Variants in PRKG1 observed in about 807,000 individuals in gnomAD.
The protein encoded by PRKG1 is protein kinase cGMP-dependent 1, also known as cGMP-dependent protein kinase 1.
A neutral mutation model predicts 88.1 loss-of-function variants in PRKG1; 35 were observed. That is an observed-to-expected ratio of 0.40 (90% CI 0.30 to 0.53). PRKG1 has a LOEUF of 0.53. PRKG1 is among the 20% of genes least tolerant of loss of function. The pLI, the probability that PRKG1 is intolerant of heterozygous loss-of-function variation, is 0.59. For missense variants in PRKG1, 540 were observed against 839.8 expected (o/e 0.64, Z 4.41); for synonymous variants, 303 against 292.5 (o/e 1.04, Z -0.37).
intron 5 of PRKG1, among the ~76,000 whole-genome samples, chr10:52,021,168 T>C (rs1427064250): frequency 6.6e-6 from 1 of 152,192 alleles, no homozygotes; most frequent in Non-Finnish European, 1.5e-5. Context: ...ACTGCCAGAC[T>C]GTGCAGGGAG....
intron 5 of PRKG1, among the ~76,000 whole-genome samples, chr10:52,020,151 G>T (rs1183743251): frequency 1.3e-5 from 2 of 151,716 alleles, no homozygotes; most frequent in Non-Finnish European, 2.9e-5. Context: ...TCATATGAGG[G>T]TAAATGAGAC....
In PRKG1 at chr10:51,196,156, G is replaced by A. The variant is rs76149231; in HGVS notation, c.478+42826G>A. Among the ~76,000 whole-genome samples the A allele has an allele frequency of 9.4e-3, 1,427 of 152,288 alleles. 21 individuals carry two copies. Among genetic ancestry groups the A allele is most frequent in the African/African-American group, 0.032 (1,340 of 41,570 alleles). On this transcript the variant is annotated intron_variant, in intron 2 of 17. Coordinates refer to ENST00000373980, the MANE Select transcript of PRKG1 (RefSeq NM_006258.4). ...TATAGATTGGTCTTTAGTAGGACAA[G>A]GTTGGTGTTTAGCATTATTGCCTTT...
rs138603592 is a variant in PRKG1, at chr10:51,836,874, G to T, written c.698+32184G>T. On this transcript the variant is annotated intron_variant, in intron 4 of 17. Coordinates refer to ENST00000373980, the MANE Select transcript of PRKG1 (RefSeq NM_006258.4). ...ACCCAGAGGGTTGTGTTGAAAGGGTGCACGGAGCATTTTAAAAAAATTGCT... is the reference window on the plus strand; with the variant it reads ...ACCCAGAGGGTTGTGTTGAAAGGGTTCACGGAGCATTTTAAAAAAATTGCT... 2.1e-3 allele frequency among the ~76,000 whole-genome samples: 320 copies of T among 152,274 alleles called. 1 individual carries two copies. Among genetic ancestry groups the T allele is most frequent in the Admixed American group, 2.0e-3 (30 of 15,272 alleles).
chr10:52,268,903 TGGTATTATCCTCAGCTAGAACTAG>T (rs1841644734), intron 10 of PRKG1, among the ~76,000 whole-genome samples: 1 of 151,990 alleles, frequency 6.6e-6, no homozygotes, highest in Non-Finnish European at 1.5e-5. Context: ...CTGTGGTATC[TGGTATTATCCTCAGCTAGAACTAG>T]GGCTCAGAGC....
intron 2 of PRKG1, among the ~76,000 whole-genome samples, chr10:51,246,717 A>G (rs997408414): frequency 1.5e-4 from 23 of 152,084 alleles, no homozygotes; most frequent in Non-Finnish European, 2.9e-4. Context: ...GTAGAAAGAA[A>G]CATGATGATA....
At chr10:51,302,946 G>A (rs1275781525) in intron 2 of PRKG1, 6 of 152,144 alleles carry the variant, frequency 3.9e-5, no homozygotes, top group African/African-American at 7.2e-5. Context: ...CAGCCTGTGC[G>A]GTGGAGCTTC....
At chr10:51,617,144 T>C (rs76910839) in intron 3 of PRKG1, among the ~76,000 whole-genome samples, 5,959 of 152,186 alleles carry the variant, frequency 0.039, 166 homozygotes, top group Middle Eastern at 0.088. Flanking sequence ...ATGGCTAGGA[T>C]TGCAGAAGTT....
rs185172672 is a variant in PRKG1 at position 51,819,348 on chromosome 10, G to A, written c.698+14658G>A. On this transcript the variant is annotated intron_variant, in intron 4 of 17. Coordinates refer to ENST00000373980, the MANE Select transcript of PRKG1 (RefSeq NM_006258.4). The stretch of plus-strand genomic sequence containing the variant: ...CCAGGGCATTAATCTATTCATAAGG[G>A]ATTCACTCCCATAACCCAAATACCT... Among the ~76,000 whole-genome samples, 20 of 152,188 alleles carry A rather than the reference G, an allele frequency of 1.3e-4. No homozygotes were observed. The East Asian group carries it at 3.9e-3, about 29-fold the overall frequency.
At chr10:51,943,065 A>C (rs1256140409) in intron 5 of PRKG1, among the ~76,000 whole-genome samples, 1 of 151,852 alleles carries the variant, frequency 6.6e-6, no homozygotes, top group Non-Finnish European at 1.5e-5. Context: ...TTTCACGATA[A>C]TGATTCTTCC....
At chr10:51,702,589 T>C (rs1331030740) in intron 3 of PRKG1, among the ~76,000 whole-genome samples, 4 of 152,220 alleles carry the variant, frequency 2.6e-5, no homozygotes, top group Non-Finnish European at 5.9e-5. Context: ...AACAGATTGA[T>C]ACCAGATATA....
intron 4 of PRKG1, among the ~76,000 whole-genome samples, chr10:51,841,399 C>T (rs1840271949): frequency 6.6e-6 from 1 of 152,038 alleles, no homozygotes; most frequent in African/African-American, 2.4e-5. Flanking sequence ...GTGATAAATG[C>T]CTTGTTAGGA....
chr10:52,175,629 C>T (rs543902831), intron 9 of PRKG1, among the ~76,000 whole-genome samples: 1 of 152,130 alleles, frequency 6.6e-6, no homozygotes, highest in East Asian at 1.9e-4. Flanking sequence ...ACAAGAGTTC[C>T]GTTTTCTCTG....
intron 2 of PRKG1, among the ~76,000 whole-genome samples, chr10:51,461,888 C>T (rs1839755240): frequency 6.6e-6 from 1 of 152,178 alleles, no homozygotes; most frequent in South Asian, 2.1e-4. Flanking sequence ...TACTTTCTTA[C>T]TGGGTGACAG....
At chr10:51,770,235 T>G (rs7918504) in intron 3 of PRKG1, among the ~76,000 whole-genome samples, 2,781 of 152,318 alleles carry the variant, frequency 0.018, 101 homozygotes, top group African/African-American at 0.06. Context: ...TAAGGAGACC[T>G]TCTTCACTTT....
At chr10:51,847,915 C>CT (rs952920753) in intron 4 of PRKG1, among the ~76,000 whole-genome samples, 1 of 128,718 alleles carries the variant, frequency 7.8e-6, no homozygotes, top group Non-Finnish European at 1.6e-5. Context: ...GTCTAAAGCA[C>CT]TTTTTTTCAA....
intron 1 of PRKG1, among the ~76,000 whole-genome samples, chr10:51,142,070 T>C (rs1475946206): frequency 3.3e-5 from 5 of 152,148 alleles, no homozygotes; most frequent in African/African-American, 1.2e-4. Context: ...CTCCTCCATA[T>C]GTACATATTG....
At chr10:51,076,730 A>G (rs1843962536) in intron 1 of PRKG1, among the ~76,000 whole-genome samples, 1 of 152,232 alleles carries the variant, frequency 6.6e-6, no homozygotes, top group Non-Finnish European at 1.5e-5. Context: ...GAATATCTAG[A>G]TTGAAAAACA....
intron 3 of PRKG1, among the ~76,000 whole-genome samples, chr10:51,490,076 G>A (rs1840666047): frequency 6.6e-6 from 1 of 152,062 alleles, no homozygotes; most frequent in Admixed American, 6.6e-5. Flanking sequence ...TGAAACAGTT[G>A]TTTAGGTATT....
At chr10:52,015,481 G>A (rs912720376) in intron 5 of PRKG1, among the ~76,000 whole-genome samples, 2 of 152,214 alleles carry the variant, frequency 1.3e-5, no homozygotes, top group African/African-American at 2.4e-5. Flanking sequence ...CTCCAGACCT[G>A]TGATGGCAGG....
Sources: allele counts gnomAD v4.1 joint callset (sites outside exome capture counted in the v4.1 genomes callset), GRCh38; gene constraint gnomAD v4.1.1; transcripts MANE v1.5; gene names NCBI Gene and HGNC (gene_info 2026-07-23, HGNC 2026-07-21).